The following STRN4 variants were observed in gnomAD, a reference collection of about 807,000 sequenced individuals.
STRN4 encodes the protein striatin-4.
In STRN4, 27 loss-of-function variants were observed where a neutral mutation model predicts 77.9. The observed-to-expected ratio is 0.35, with a 90% CI of 0.26 to 0.48. The LOEUF is 0.48. Ranked by LOEUF, STRN4 falls within the 20% of genes least tolerant of loss-of-function variation. The probability of loss-of-function intolerance (pLI) is 0.99; values close to 1 mark genes in which losing one functional copy is unlikely to be tolerated. For synonymous variants in STRN4, 466 were observed against 443.1 expected (o/e 1.05, Z -0.65); for missense variants, 798 against 1,049.7 (o/e 0.76, Z 3.31).
intron 12 of STRN4, among the ~76,000 whole-genome samples, chr19:46,724,149 G>A (rs1477771018): frequency 6.6e-6 from 1 of 150,622 alleles, no homozygotes; most frequent in Non-Finnish European, 1.5e-5. Flanking sequence ...TCGGGAGGCT[G>A]AGGCACGAGA....
intron 6 of STRN4, 191 bp from the exon 7 acceptor site, chr19:46,728,968 GCCTGACCCCAC>G: frequency 1.5e-6 from 1 of 669,718 alleles, no homozygotes; most frequent in South Asian, 2.2e-5. Flanking sequence ...GGGCCGGTCG[GCCTGACCCCAC>G]CCTCACGCAG....
chr19:46,742,445 G>C (rs2054491322), intron 1 of STRN4, among the ~76,000 whole-genome samples: 1 of 152,192 alleles, frequency 6.6e-6, no homozygotes, highest in Non-Finnish European at 1.5e-5. Context: ...GGATCTCACA[G>C]GGGAAGTCAC....
At chr19:46,728,810 G>A in intron 6 of STRN4, 33 bp from the exon 7 acceptor site, 7 of 1,611,704 alleles carry the variant, frequency 4.3e-6, no homozygotes, top group Non-Finnish European at 5.9e-6. Context: ...CAAGTCAGGG[G>A]GCCTCTTGTC....
In STRN4 at chr19:46,722,355, AG is replaced by A; in HGVS notation, c.1907-16del. ...CTGGGTTGGACCTGAAGGAAAACGC[AG>A]GAAGAGGGAAGGATGTCAAGCAGAA... On this transcript the variant is annotated splice_polypyrimidine_tract_variant and intron_variant, in intron 14 of 17. Coordinates refer to ENST00000263280, the MANE Select transcript of STRN4 (RefSeq NM_013403.3). 1 of 1,611,988 alleles carries A rather than the reference AG, an allele frequency of 6.2e-7. No homozygotes were observed. Among genetic ancestry groups the A allele is most frequent in the South Asian group, 1.1e-5 (1 of 91,026 alleles).
Position 46,727,438 on chromosome 19 carries a change from C to T in STRN4, c.1248+14G>A. 2.5e-6 allele frequency: 4 copies of T among 1,610,536 alleles called. No individual in the cohort carries two copies. The highest frequency in any genetic ancestry group is 3.4e-6 in the Non-Finnish European group (4 of 1,177,624). On this transcript the variant is annotated intron_variant, in intron 9 of 17. Coordinates refer to ENST00000263280, the MANE Select transcript of STRN4 (RefSeq NM_013403.3). The stretch of plus-strand genomic sequence containing the variant: ...GCCAATGGGGACAGTGTGGGGGGCA[C>T]CCGGAGAACTTACATCGCAGCTGAG...
At chr19:46,731,292 C>T (rs1568398113) in intron 5 of STRN4, among the ~76,000 whole-genome samples, 2 of 152,186 alleles carry the variant, frequency 1.3e-5, no homozygotes, top group Admixed American at 6.5e-5. Context: ...AAAGAGGAAC[C>T]GGCCATTCTA....
At chr19:46,736,994 G>T in intron 3 of STRN4, 93 bp from the exon 4 acceptor site, 1 of 1,264,770 alleles carries the variant, frequency 7.9e-7, no homozygotes, top group Non-Finnish European at 1.1e-6. Context: ...AACCCAAATC[G>T]GTCACTGTCG....
chr19:46,736,718 T>C, intron 4 of STRN4, 105 bp downstream of exon 4: 4 of 1,197,576 alleles, frequency 3.3e-6, no homozygotes. Context: ...ATCCTGATAG[T>C]TCAGCATCCC....
intron 5 of STRN4, among the ~76,000 whole-genome samples, chr19:46,731,127 AG>A (rs2122298798): frequency 6.6e-6 from 1 of 152,308 alleles, no homozygotes; most frequent in Non-Finnish European, 1.5e-5. Context: ...TGAGTTTCAG[AG>A]GGCCAGCCCC....
chr19:46,728,136 G>T (rs959535212), intron 7 of STRN4, 129 bp from the exon 8 acceptor site: 5 of 871,662 alleles, frequency 5.7e-6, no homozygotes, highest in African/African-American at 1.7e-5. Flanking sequence ...CCTGGGGGAG[G>T]GGGGGAATGG....
chr19:46,745,316 T>G (rs932522791), intron 1 of STRN4, among the ~76,000 whole-genome samples: 3 of 152,124 alleles, frequency 2.0e-5, no homozygotes, highest in African/African-American at 7.2e-5. Flanking sequence ...TCCAGGCTCC[T>G]AGGGTACATT....
At chr19:46,732,418 C>G (rs999533313) in intron 5 of STRN4, 2 of 153,138 alleles carry the variant, frequency 1.3e-5, no homozygotes, top group African/African-American at 4.8e-5. Context: ...GCCTCACTGC[C>G]TGCGGCCATG....
At position 46,725,312 on chromosome 19, in the gene STRN4, G is replaced by T; in HGVS notation, c.1472+20C>A. The T allele has an allele frequency of 6.2e-7, 1 of 1,614,092 alleles. No individual in the cohort carries two copies. The highest frequency in any genetic ancestry group is 8.5e-7 in the Non-Finnish European group (1 of 1,179,996). On this transcript the variant is annotated intron_variant, in intron 11 of 17. Coordinates refer to ENST00000263280, the MANE Select transcript of STRN4 (RefSeq NM_013403.3). ...TGCATTTAGGACGAGTTTCTAGCAG[G>T]CTCAGGGGCACCTCCCTACCTGTGA...
rs141865144 is a variant in STRN4, at chr19:46,733,182, G to A, written c.594C>T (p.Arg198=). 6.5e-5 allele frequency: 104 copies of A among 1,611,420 alleles called. No individual in the cohort carries two copies. The East Asian group carries it at 1.4e-3, about 22-fold the overall frequency. Residue 198 remains arginine (R), a synonymous_variant, in exon 5 of 18, where the codon CGC becomes CGT. Transcript: ENST00000263280. The surrounding 1 kb of genome is among the most constrained non-coding windows in gnomAD (Gnocchi z 4.3). ...GCGAGCGGCCCAGCAGGGAACGGACGCGCTTGGACCGCATGTCGAGGATGG... is the reference window on the plus strand; with the variant it reads ...GCGAGCGGCCCAGCAGGGAACGGACACGCTTGGACCGCATGTCGAGGATGG... The part of the protein sequence containing the change: ...TDTILDMRSK[R]VRSLLGRSLE...
intron 4 of STRN4, among the ~76,000 whole-genome samples, chr19:46,735,401 G>A (rs943637541): frequency 6.6e-6 from 1 of 152,196 alleles, no homozygotes; most frequent in Admixed American, 6.5e-5. Context: ...AGGAGGCTGA[G>A]GCAGGAGATC....
chr19:46,739,555 A>G (rs886783050), intron 1 of STRN4: 1 of 153,888 alleles, frequency 6.5e-6, no homozygotes, highest in Non-Finnish European at 1.4e-5. Flanking sequence ...CCAGTCTGTC[A>G]ACAGGTCATT....
chr19:46,725,256 G>T (rs781504040), intron 11 of STRN4, 76 bp downstream of exon 11: 8 of 1,602,144 alleles, frequency 5.0e-6, no homozygotes, highest in South Asian at 2.2e-5. Flanking sequence ...TGGGCCTCCC[G>T]CGATGGCAGT....
In STRN4 at chr19:46,746,029, C is replaced by A. The variant is rs1212462480; in HGVS notation, c.282+120G>T. 4.1e-6 allele frequency: 5 copies of A among 1,219,596 alleles called. No individual in the cohort carries two copies. The African/African-American group carries it at 4.9e-5, about 12-fold the overall frequency. 75.5% of individuals were successfully genotyped at this position (1,219,596 alleles called of 1,614,324 possible). ...CCTCCGGGACCGTCGCGGTCCCCTC[C>A]CGCCCCCCCGCCGGCCGTCCCGGCG... On this transcript the variant is annotated intron_variant, in intron 1 of 17. Coordinates refer to ENST00000263280, the MANE Select transcript of STRN4 (RefSeq NM_013403.3).
intron 1 of STRN4, among the ~76,000 whole-genome samples, chr19:46,742,348 C>A (rs1337543556): frequency 6.6e-6 from 1 of 152,066 alleles, no homozygotes; most frequent in East Asian, 1.9e-4. Flanking sequence ...CACGGCAGGT[C>A]TTCTGCTAGG....
Sources: allele counts gnomAD v4.1 joint callset (sites outside exome capture counted in the v4.1 genomes callset), GRCh38; gene constraint gnomAD v4.1.1; non-coding constraint Gnocchi (gnomAD v3.1); transcripts MANE v1.5; gene names NCBI Gene and HGNC (gene_info 2026-07-23, HGNC 2026-07-21).